KIRREL3: variants seen among roughly 807,000 people sequenced by gnomAD.
The protein encoded by KIRREL3 is kin of IRRE-like protein 3.
Under a neutral mutation model 89.7 loss-of-function variants are expected in KIRREL3, and 36 were observed. That is an observed-to-expected ratio of 0.40 (90% confidence interval 0.31 to 0.53). KIRREL3 has a LOEUF of 0.53. Among genes scored for constraint, KIRREL3 ranks in the 20% least tolerant of loss-of-function variants. KIRREL3 has a pLI of 0.49. For missense variants in KIRREL3, 864 were observed against 1,056.6 expected (o/e 0.82, Z 2.53); for synonymous variants, 445 against 441.4 (o/e 1.01, Z -0.10).
chr11:126,888,120 G>A (rs1945770490), intron 1 of KIRREL3, among the ~76,000 whole-genome samples: 1 of 152,238 alleles, frequency 6.6e-6, no homozygotes, highest in Non-Finnish European at 1.5e-5. Flanking sequence ...TCTGCAAAGA[G>A]TGATATAAAC....
intron 1 of KIRREL3, among the ~76,000 whole-genome samples, chr11:126,770,117 A>G (rs901558841): frequency 2.6e-5 from 4 of 152,006 alleles, no homozygotes; most frequent in African/African-American, 7.2e-5. Flanking sequence ...TAGAACAGGT[A>G]CTGAGCAGTC....
Position 126,771,754 on chromosome 11 carries a change from C to G in KIRREL3, c.56-208842G>C, listed in dbSNP as rs952359133. 1.1e-4 allele frequency among the ~76,000 whole-genome samples: 16 copies of G among 152,304 alleles called. No individual in the cohort carries two copies. Among genetic ancestry groups the G allele is most frequent in the African/African-American group, 2.9e-4 (12 of 41,574 alleles). On this transcript the variant is annotated intron_variant, in intron 1 of 16. Transcript: ENST00000525144. The surrounding 1 kb of genome is among the most constrained non-coding windows in gnomAD (Gnocchi z 4.4). ...ACAAGATTATCTAATGATCAACCAA[C>G]ATCTTTATTAAAAAAACGTTTTCAT...
rs1019839993 is a variant in KIRREL3, at chr11:126,628,616, C to G, written c.56-65704G>C. Among the ~76,000 whole-genome samples the G allele has an allele frequency of 6.6e-6, 1 of 152,226 alleles. No individual in the cohort carries two copies. The highest frequency in any genetic ancestry group is 2.1e-4 in the South Asian group (1 of 4,828). ...GCCTTCTTCTGAGATCCAGCCCAGT[C>G]TCCTTGGGCAGTGTGTATCTGTTTC... On this transcript the variant is annotated intron_variant, in intron 1 of 16. Transcript: ENST00000525144. The surrounding 1 kb of genome is among the most constrained non-coding windows in gnomAD (Gnocchi z 5.2).
intron 1 of KIRREL3, among the ~76,000 whole-genome samples, chr11:126,613,908 A>G (rs1943242148): frequency 3.1e-5 from 3 of 95,930 alleles, no homozygotes; most frequent in African/African-American, 8.8e-5. Context: ...TTTTCCCCAT[A>G]GCCTTTATCT....
At chr11:126,692,370 C>A (rs1440098506) in intron 1 of KIRREL3, among the ~76,000 whole-genome samples, 2 of 151,608 alleles carry the variant, frequency 1.3e-5, no homozygotes, top group African/African-American at 4.8e-5. Context: ...CATGGAGAAA[C>A]CCTGCGTCTA....
In KIRREL3 at chr11:126,696,581, C is replaced by T. The variant is rs186311066; in HGVS notation, c.56-133669G>A. Among the ~76,000 whole-genome samples, 41 of 152,314 alleles carry T rather than the reference C, an allele frequency of 2.7e-4. No homozygotes were observed. The highest frequency in any genetic ancestry group is 9.6e-4 in the African/African-American group (40 of 41,582). On this transcript the variant is annotated intron_variant, in intron 1 of 16. Coordinates refer to ENST00000525144, the MANE Select transcript of KIRREL3 (RefSeq NM_032531.4). The surrounding 1 kb of genome is among the most constrained non-coding windows in gnomAD (Gnocchi z 4.4). ...AGGTCCTCACCTCTGCCATCCTCCA[C>T]GTGATCCCCAAACGTTGCTGATCAA...
At position 126,664,578 on chromosome 11, in the gene KIRREL3, AG is replaced by A. The variant is rs1945569233; in HGVS notation, c.56-101667del. On this transcript the variant is annotated intron_variant, in intron 1 of 16. Transcript: ENST00000525144. The surrounding 1 kb of genome is among the most constrained non-coding windows in gnomAD (Gnocchi z 5.4). ...TGAAGAAGTTCGGCCTCACCTCTTGAGGATCATTTCTACAGCAGAGCTGCCC... is the reference window on the plus strand; with the variant it reads ...TGAAGAAGTTCGGCCTCACCTCTTGAGATCATTTCTACAGCAGAGCTGCCC... Among the ~76,000 whole-genome samples the A allele has an allele frequency of 1.3e-5, 2 of 152,316 alleles. No homozygotes were observed. The highest frequency in any genetic ancestry group is 4.1e-4 in the South Asian group (2 of 4,820).
At chr11:126,730,229 C>T (rs1292188648) in intron 1 of KIRREL3, among the ~76,000 whole-genome samples, 1 of 152,234 alleles carries the variant, frequency 6.6e-6, no homozygotes, top group Non-Finnish European at 1.5e-5. Context: ...TGCCGACTAG[C>T]CCCATCCACA....
chr11:126,739,002 C>T lies in KIRREL3; in HGVS notation c.56-176090G>A, dbSNP rs1047069246. On this transcript the variant is annotated intron_variant, in intron 1 of 16. Transcript: ENST00000525144. This position sits in a 1 kb window ranked among gnomAD's most constrained non-coding sequence, Gnocchi z 5.5. ...TGGCTCAGATATATATTATCTAATT[C>T]TCATAACACTACAACAATCTTGAAA... 6.6e-6 allele frequency among the ~76,000 whole-genome samples: 1 copy of T among 152,178 alleles called. No individual in the cohort carries two copies. Among genetic ancestry groups the T allele is most frequent in the Admixed American group, 6.5e-5 (1 of 15,286 alleles).
chr11:126,990,418 G>A lies in KIRREL3; in HGVS notation c.55+10037C>T, dbSNP rs913543491. 1.3e-5 allele frequency among the ~76,000 whole-genome samples: 2 copies of A among 151,326 alleles called. No individual in the cohort carries two copies. Among genetic ancestry groups the A allele is most frequent in the Admixed American group, 6.6e-5 (1 of 15,234 alleles). ...GTTGCCCTCACCACCCAGAGGCGAG[G>A]AGGAGAGCCCCCCATCCCTCCCGTC... On this transcript the variant is annotated intron_variant, in intron 1 of 16. Coordinates refer to ENST00000525144, the MANE Select transcript of KIRREL3 (RefSeq NM_032531.4). This position sits in a 1 kb window ranked among gnomAD's most constrained non-coding sequence, Gnocchi z 6.3.
At chr11:126,699,014 C>T (rs1947210952) in intron 1 of KIRREL3, among the ~76,000 whole-genome samples, 1 of 152,226 alleles carries the variant, frequency 6.6e-6, no homozygotes, top group Admixed American at 6.5e-5. Flanking sequence ...CACATCCCAG[C>T]TCTTCTCCCT....
rs555477558 is a variant in KIRREL3 at position 126,744,707 on chromosome 11, C to T, written c.56-181795G>A. Among the ~76,000 whole-genome samples, 165 of 152,208 alleles carry T rather than the reference C, an allele frequency of 1.1e-3. No homozygotes were observed. The highest frequency in any genetic ancestry group is 1.7e-3 in the Non-Finnish European group (119 of 68,006). On this transcript the variant is annotated intron_variant, in intron 1 of 16. Transcript: ENST00000525144. The surrounding 1 kb of genome is among the most constrained non-coding windows in gnomAD (Gnocchi z 4.7). Reference sequence around the variant, plus strand: ...TAGTGTCTCGTGGAAACTAAGGACCCGATGAACAGTACTCGTATTACTATT... The same window carrying T: ...TAGTGTCTCGTGGAAACTAAGGACCTGATGAACAGTACTCGTATTACTATT...
intron 1 of KIRREL3, among the ~76,000 whole-genome samples, chr11:126,815,784 C>T (rs1438758476): frequency 1.3e-5 from 2 of 152,264 alleles, no homozygotes; most frequent in East Asian, 3.9e-4. Flanking sequence ...ATCTGCCCAC[C>T]TCGGCCTCCC....
Position 126,568,008 on chromosome 11 carries a change from C to T in KIRREL3, c.56-5096G>A, listed in dbSNP as rs1402525641. ...ACAGTTCAGGTGTGCTTGCTGAAGA[C>T]TAACCCCTTCCCACCTGAAGCTAGT... On this transcript the variant is annotated intron_variant, in intron 1 of 16. Coordinates refer to ENST00000525144, the MANE Select transcript of KIRREL3 (RefSeq NM_032531.4). This position sits in a 1 kb window ranked among gnomAD's most constrained non-coding sequence, Gnocchi z 4.6. 6.6e-6 allele frequency among the ~76,000 whole-genome samples: 1 copy of T among 152,134 alleles called. No individual in the cohort carries two copies. Among genetic ancestry groups the T allele is most frequent in the Non-Finnish European group, 1.5e-5 (1 of 68,000 alleles).
In KIRREL3 at chr11:126,490,282, G is replaced by A. The variant is rs993334225; in HGVS notation, c.434-16816C>T. Reference sequence around the variant, plus strand: ...TTACTTTCTGTGTATGTTTATTTTAGACTCCCATTAGCATTAATTTGCATT... The same window carrying A: ...TTACTTTCTGTGTATGTTTATTTTAAACTCCCATTAGCATTAATTTGCATT... On this transcript the variant is annotated intron_variant, in intron 4 of 16. Coordinates refer to ENST00000525144, the MANE Select transcript of KIRREL3 (RefSeq NM_032531.4). The surrounding 1 kb of genome is among the most constrained non-coding windows in gnomAD (Gnocchi z 4.2). Among the ~76,000 whole-genome samples the A allele has an allele frequency of 6.6e-6, 1 of 152,036 alleles. No homozygotes were observed.
At position 126,489,036 on chromosome 11, in the gene KIRREL3, G is replaced by C. The variant is rs1957440136; in HGVS notation, c.434-15570C>G. Among the ~76,000 whole-genome samples the C allele has an allele frequency of 6.6e-6, 1 of 152,096 alleles. No individual in the cohort carries two copies. The highest frequency in any genetic ancestry group is 2.4e-5 in the African/African-American group (1 of 41,422). On this transcript the variant is annotated intron_variant, in intron 4 of 16. Transcript: ENST00000525144. This position sits in a 1 kb window ranked among gnomAD's most constrained non-coding sequence, Gnocchi z 5.5. ...GACACCTACACGATGTTCAGTGTTTGCTCAAATGTGCCCTCTGACCTCCAC... is the reference window on the plus strand; with the variant it reads ...GACACCTACACGATGTTCAGTGTTTCCTCAAATGTGCCCTCTGACCTCCAC...
intron 1 of KIRREL3, among the ~76,000 whole-genome samples, chr11:126,821,347 A>ATATATATATATATATATATATATATG (rs1344371968): frequency 9.5e-5 from 11 of 115,924 alleles, no homozygotes; most frequent in African/African-American, 3.8e-4. Flanking sequence ...ATATATATAT[A>ATATATATATATATATATATATATATG]TATATGTAAC....
Position 126,624,625 on chromosome 11 carries a change from T to C in KIRREL3, c.56-61713A>G, listed in dbSNP as rs1943705672. Among the ~76,000 whole-genome samples, 1 of 152,246 alleles carries C rather than the reference T, an allele frequency of 6.6e-6. No homozygotes were observed. The highest frequency in any genetic ancestry group is 6.5e-5 in the Admixed American group (1 of 15,286). ...TCAGCAGAGGCAAGCTGCCTAGGCA[T>C]GTCGTGTAATTCAGCATTAAGTATC... On this transcript the variant is annotated intron_variant, in intron 1 of 16. Coordinates refer to ENST00000525144, the MANE Select transcript of KIRREL3 (RefSeq NM_032531.4). This position sits in a 1 kb window ranked among gnomAD's most constrained non-coding sequence, Gnocchi z 6.0.
chr11:126,832,446 CATAAAGGCA>C (rs1404855986), intron 1 of KIRREL3, among the ~76,000 whole-genome samples: 3 of 152,182 alleles, frequency 2.0e-5, no homozygotes, highest in Non-Finnish European at 2.9e-5. Flanking sequence ...AATGCTTGTA[CATAAAGGCA>C]ACCTCCTCCC....
Sources: allele counts gnomAD v4.1 joint callset (sites outside exome capture counted in the v4.1 genomes callset), GRCh38; gene constraint gnomAD v4.1.1; non-coding constraint Gnocchi (gnomAD v3.1); transcripts MANE v1.5; gene names NCBI Gene and HGNC (gene_info 2026-07-23, HGNC 2026-07-21).